DNAH5: variants seen among roughly 807,000 people sequenced by gnomAD.
The protein encoded by DNAH5 is dynein axonemal heavy chain 5.
Under a neutral mutation model 518.2 loss-of-function variants are expected in DNAH5, and 372 were observed. The observed-to-expected ratio is 0.72, with a 90% CI of 0.66 to 0.78. The LOEUF (loss-of-function observed/expected upper bound fraction) is 0.78, where lower values mean the gene tolerates loss of function less well. DNAH5 is among the 30% of genes least tolerant of loss of function. DNAH5 has a pLI of 0.00. For missense variants in DNAH5, 5,523 were observed against 5,687.0 expected, an observed-to-expected ratio of 0.97 and a Z score of 0.93; for synonymous variants, 2,039 against 2,025.9, an observed-to-expected ratio of 1.01 and a Z score of -0.17.
upstream of DNAH5, among the ~76,000 whole-genome samples, chr5:13,946,404 G>A (rs1163462425): frequency 6.6e-6 from 1 of 152,118 alleles, no homozygotes; most frequent in Non-Finnish European, 1.5e-5. Context: ...GGCGTCTTAA[G>A]GTATCTTCTT....
chr5:13,787,915 T>C (rs560916974), intron 51 of DNAH5, among the ~76,000 whole-genome samples: 8 of 152,352 alleles, frequency 5.3e-5, no homozygotes, highest in African/African-American at 1.9e-4. Flanking sequence ...ATTTTCAAGA[T>C]ATACTTAGCA....
At chr5:14,002,414 G>C (rs1784422757) in intron 1 of DNAH5, among the ~76,000 whole-genome samples, 1 of 151,740 alleles carries the variant, frequency 6.6e-6, no homozygotes, top group African/African-American at 2.4e-5. Flanking sequence ...TTTTAAAGTT[G>C]ACAATATCAA....
upstream of DNAH5, among the ~76,000 whole-genome samples, chr5:13,947,035 C>T (rs1638583603): frequency 6.6e-6 from 1 of 152,154 alleles, no homozygotes; most frequent in African/African-American, 2.4e-5. Flanking sequence ...TCTGATTTCA[C>T]AGATGTTAAA....
At chr5:13,888,180 C>T (rs1006559002) in intron 17 of DNAH5, among the ~76,000 whole-genome samples, 1 of 152,168 alleles carries the variant, frequency 6.6e-6, no homozygotes, top group Admixed American at 6.5e-5. Context: ...TCCTTTTATT[C>T]GAGGTTAACT....
Position 13,700,781 on chromosome 5 carries a change from G to A in DNAH5, c.13582C>T (p.Pro4528Ser). ...TKWMKDDISA[P>S]PTEGVYVYGL... is the part of the protein sequence containing the mutation. ...TAGACATAGACACCCTCTGTGGGAG[G>A]GGCAGAAATGTCGTCCTTCATCCAT... The change falls in exon 78 of 79, where the codon CCT (proline) becomes TCT (serine). Residue 4528 changes from proline (P) to serine (S), a missense_variant. By Grantham distance (74) the Pro-to-Ser change is moderately conservative. Coordinates refer to ENST00000265104, the MANE Select transcript of DNAH5 (RefSeq NM_001369.3). 6.2e-7 allele frequency: 1 copy of A among 1,614,042 alleles called. No homozygotes were observed. The highest frequency in any genetic ancestry group is 8.5e-7 in the Non-Finnish European group (1 of 1,179,978).
At position 13,810,279 on chromosome 5, in the gene DNAH5, T is replaced by C; in HGVS notation, c.7408-19A>G. On this transcript the variant is annotated intron_variant, in intron 44 of 78. Coordinates refer to ENST00000265104, the MANE Select transcript of DNAH5 (RefSeq NM_001369.3). ...CTTGCTCCTGAGAAGGAAAGACACT[T>C]TTTTTTAATAACTTGATTCTGAAAC... is the stretch of plus-strand genomic sequence containing the variant. The C allele has an allele frequency of 1.3e-6, 2 of 1,547,930 alleles. No homozygotes were observed. Among genetic ancestry groups the C allele is most frequent in the South Asian group, 2.4e-5 (2 of 84,002 alleles).
intron 35 of DNAH5, among the ~76,000 whole-genome samples, chr5:13,837,908 G>A (rs960580122): frequency 6.6e-6 from 1 of 151,940 alleles, no homozygotes; most frequent in Non-Finnish European, 1.5e-5. Context: ...CACCGTGTTA[G>A]CCTGGATGGT....
At chr5:13,775,495 AGAT>A (rs1753954929) in intron 55 of DNAH5, among the ~76,000 whole-genome samples, 2 of 152,046 alleles carry the variant, frequency 1.3e-5, no homozygotes, top group Admixed American at 1.3e-4. Flanking sequence ...ATATTTAGAT[AGAT>A]AATAGAGAGA....
intron 30 of DNAH5, among the ~76,000 whole-genome samples, chr5:13,852,052 T>C (rs795516): frequency 0.79 from 119,829 of 151,932 alleles, 48,228 homozygotes; most frequent in East Asian, 0.88. Context: ...CCAGATACTA[T>C]GCTTTCCCCA....
intron 1 of DNAH5, among the ~76,000 whole-genome samples, chr5:13,979,407 T>C (rs771492886): frequency 6.6e-6 from 1 of 152,122 alleles, no homozygotes; most frequent in Non-Finnish European, 1.5e-5. Flanking sequence ...TCAACTGGAA[T>C]GTAAGCTTCC....
intron 12 of DNAH5, among the ~76,000 whole-genome samples, chr5:13,910,763 C>T (rs1186951996): frequency 6.6e-6 from 1 of 152,202 alleles, no homozygotes; most frequent in Non-Finnish European, 1.5e-5. Context: ...GGCACCTCAC[C>T]AGAACTGGCT....
chr5:13,840,816 A>T, intron 34 of DNAH5, 90 bp downstream of exon 34: 1 of 1,068,016 alleles, frequency 9.4e-7, no homozygotes, highest in Admixed American at 2.0e-5. Context: ...TTTTTCCTTG[A>T]ATTCAATCAA....
intron 76 of DNAH5, among the ~76,000 whole-genome samples, chr5:13,706,045 T>C (rs1295600925): frequency 6.6e-6 from 1 of 152,180 alleles, no homozygotes; most frequent in Non-Finnish European, 1.5e-5. Flanking sequence ...GGTGGTACTT[T>C]GTTATGGCAG....
At chr5:13,817,930 GA>G (rs1318953190) in intron 41 of DNAH5, among the ~76,000 whole-genome samples, 2 of 152,014 alleles carry the variant, frequency 1.3e-5, no homozygotes, top group Non-Finnish European at 2.9e-5. Flanking sequence ...GTTTAGGGGT[GA>G]AAAAAGATAC....
chr5:13,799,479 T>C (rs567755376), intron 47 of DNAH5, among the ~76,000 whole-genome samples: 58 of 152,290 alleles, frequency 3.8e-4, no homozygotes, highest in African/African-American at 1.3e-3. Flanking sequence ...TTTGAAATGA[T>C]AGGAAATCAT....
intron 1 of DNAH5, among the ~76,000 whole-genome samples, chr5:14,004,328 G>A (rs143724089): frequency 2.0e-5 from 3 of 152,110 alleles, no homozygotes; most frequent in African/African-American, 4.8e-5. Context: ...GATGAGCTGC[G>A]GGCTAGCTAA....
intron 1 of DNAH5, 76 bp downstream of exon 1, chr5:13,944,306 G>T: frequency 1.4e-6 from 2 of 1,451,350 alleles, no homozygotes; most frequent in Non-Finnish European, 1.9e-6. Flanking sequence ...CCTTTTTCAA[G>T]TTTGTTTTTT....
chr5:13,734,821 A>C (rs1248855988), intron 68 of DNAH5, among the ~76,000 whole-genome samples: 1 of 152,064 alleles, frequency 6.6e-6, no homozygotes, highest in Non-Finnish European at 1.5e-5. Flanking sequence ...CATAGGACTT[A>C]CCATCTTCCC....
In DNAH5 at chr5:13,810,276, A is replaced by G. The variant is rs765030469; in HGVS notation, c.7408-16T>C. On this transcript the variant is annotated splice_polypyrimidine_tract_variant and intron_variant, in intron 44 of 78. Transcript: ENST00000265104. ...CGCCTTGCTCCTGAGAAGGAAAGAC[A>G]CTTTTTTTTAATAACTTGATTCTGA... 6.5e-6 allele frequency: 10 copies of G among 1,548,726 alleles called. No individual in the cohort carries two copies. Among genetic ancestry groups the G allele is most frequent in the South Asian group, 6.0e-5 (5 of 84,014 alleles).
Sources: allele counts gnomAD v4.1 joint callset (sites outside exome capture counted in the v4.1 genomes callset), GRCh38; gene constraint gnomAD v4.1.1; transcripts MANE v1.5; gene names NCBI Gene and HGNC (gene_info 2026-07-23, HGNC 2026-07-21).